The following UNC13C variants were observed in gnomAD, a reference collection of about 807,000 sequenced individuals.
UNC13C encodes unc-13 homolog C, also known as protein unc-13 homolog C.
UNC13C carries 174 observed loss-of-function variants against 245.4 expected under a neutral mutation model. The observed-to-expected ratio is 0.71, with a 90% CI of 0.63 to 0.80. The LOEUF (loss-of-function observed/expected upper bound fraction) is 0.80, where lower values mean the gene tolerates loss of function less well. Ranked by LOEUF, UNC13C falls within the 30% of genes least tolerant of loss-of-function variation. The pLI is 0.00. For missense variants in UNC13C, 2,829 were observed against 2,602.9 expected, an observed-to-expected ratio of 1.09 and a Z score of -1.89; for synonymous variants, 992 against 895.1, an observed-to-expected ratio of 1.11 and a Z score of -1.93.
Position 54,095,043 on chromosome 15 carries a change from C to G in UNC13C, c.2984-47975C>G, listed in dbSNP as rs1489366790. Among the ~76,000 whole-genome samples the G allele has an allele frequency of 3.3e-5, 5 of 152,194 alleles. No homozygotes were observed. In the East Asian group the frequency reaches 9.6e-4, roughly 29 times the overall value. ...AGACAACCCCACACAGATTCTCACA[C>G]AGGTATGGTCCACATTTCTTCCATG... On this transcript the variant is annotated intron_variant, in intron 2 of 32. Coordinates refer to ENST00000260323, the MANE Select transcript of UNC13C (RefSeq NM_001080534.3).
chr15:54,476,733 C>T (rs987702351), intron 19 of UNC13C, among the ~76,000 whole-genome samples: 3 of 149,352 alleles, frequency 2.0e-5, no homozygotes, highest in Non-Finnish European at 4.5e-5. Flanking sequence ...AGTTTGAAGT[C>T]AGGTAGCATG....
At chr15:54,494,487 C>A in intron 19 of UNC13C, 121 bp from the exon 20 acceptor site, 2 of 954,542 alleles carry the variant, frequency 2.1e-6, no homozygotes, top group Non-Finnish European at 2.9e-6. Context: ...ATTCATTATA[C>A]CTTTACATCT....
intron 10 of UNC13C, among the ~76,000 whole-genome samples, chr15:54,267,195 C>G (rs1318169900): frequency 3.4e-5 from 5 of 145,356 alleles, no homozygotes; most frequent in African/African-American, 1.4e-4. Context: ...TGAATAAATA[C>G]CTAGAAGTGG....
At chr15:54,120,909 C>T (rs2030620650) in intron 2 of UNC13C, among the ~76,000 whole-genome samples, 1 of 152,100 alleles carries the variant, frequency 6.6e-6, no homozygotes, top group Admixed American at 6.6e-5. Context: ...CATGATTAAA[C>T]TTCAGTGAGT....
At chr15:53,950,718 G>A in the UNC13C span, among the ~76,000 whole-genome samples, 6 of 152,072 alleles carry the variant, frequency 3.9e-5, no homozygotes, top group African/African-American at 1.4e-4. Context: ...CTGGATTCAG[G>A]GCTGAAGACA....
At chr15:53,878,762 G>A in the UNC13C span, among the ~76,000 whole-genome samples, 3 of 152,110 alleles carry the variant, frequency 2.0e-5, no homozygotes, top group Admixed American at 2.0e-4. Flanking sequence ...AATCACTAAA[G>A]GAAGAAACAA....
At chr15:53,913,420 T>C in the UNC13C span, 1 of 152,272 alleles carries the variant, frequency 6.6e-6, no homozygotes, top group South Asian at 2.1e-4. Context: ...TATTCCTTGA[T>C]ACAGAAGCAG....
chr15:54,599,649 A>T lies in UNC13C; in HGVS notation c.6107-22678A>T, dbSNP rs187287019. Reference sequence around the variant, plus strand: ...GTGAAATGTTCCAACTACCCGAAACACATGGTTGTCTAGACTGTTTTTAGG... The same window carrying T: ...GTGAAATGTTCCAACTACCCGAAACTCATGGTTGTCTAGACTGTTTTTAGG... On this transcript the variant is annotated intron_variant, in intron 30 of 32. Coordinates refer to ENST00000260323, the MANE Select transcript of UNC13C (RefSeq NM_001080534.3). 2.6e-3 allele frequency among the ~76,000 whole-genome samples: 403 copies of T among 152,226 alleles called. 3 individuals are homozygous for T. Among genetic ancestry groups the T allele is most frequent in the Non-Finnish European group, 4.9e-3 (335 of 67,996 alleles).
intron 2 of UNC13C, among the ~76,000 whole-genome samples, chr15:54,076,461 G>A (rs937796004): frequency 2.0e-5 from 3 of 151,992 alleles, no homozygotes; most frequent in Non-Finnish European, 4.4e-5. Flanking sequence ...TGGCTGCATA[G>A]TATTCCATGG....
At chr15:54,384,872 A>C (rs2039804150) in intron 17 of UNC13C, among the ~76,000 whole-genome samples, 1 of 152,174 alleles carries the variant, frequency 6.6e-6, no homozygotes, top group Non-Finnish European at 1.5e-5. Context: ...TATTTCCCAA[A>C]AGAAGATATA....
At chr15:54,597,373 C>A (rs1217461521) in intron 30 of UNC13C, among the ~76,000 whole-genome samples, 3 of 152,124 alleles carry the variant, frequency 2.0e-5, no homozygotes, top group Non-Finnish European at 4.4e-5. Flanking sequence ...AGCTTAACAC[C>A]TTTGGAATCC....
intron 1 of UNC13C, among the ~76,000 whole-genome samples, chr15:53,993,696 T>C (rs1477244524): frequency 2.0e-5 from 3 of 152,072 alleles, no homozygotes; most frequent in Non-Finnish European, 4.4e-5. Flanking sequence ...TTCTAATTGT[T>C]ATTGTTGTTG....
chr15:54,511,194 C>T (rs1004672649), intron 23 of UNC13C, among the ~76,000 whole-genome samples: 10 of 151,976 alleles, frequency 6.6e-5, no homozygotes, highest in Non-Finnish European at 1.0e-4. Flanking sequence ...GAAAAAAGAA[C>T]GCTCTAACCT....
chr15:54,620,156 T>G (rs1289929646), intron 30 of UNC13C, among the ~76,000 whole-genome samples: 1 of 152,154 alleles, frequency 6.6e-6, no homozygotes, highest in African/African-American at 2.4e-5. Flanking sequence ...AGTAAATGTT[T>G]CCACCCAGGA....
At position 54,286,660 on chromosome 15, in the gene UNC13C, A is replaced by G. The variant is rs1023137108; in HGVS notation, c.3819-7235A>G. Among the ~76,000 whole-genome samples, 3 of 152,174 alleles carry G rather than the reference A, an allele frequency of 2.0e-5. No individual in the cohort carries two copies. The East Asian group carries it at 5.8e-4, about 29-fold the overall frequency. ...ATTTAGACCATATCTAGGAGACTCT[A>G]TATCTGAAAATATTTGCAAAGGTGG... is the stretch of plus-strand genomic sequence containing the variant. On this transcript the variant is annotated intron_variant, in intron 10 of 32. Transcript: ENST00000260323.
At chr15:54,587,606 C>G (rs921602282) in intron 30 of UNC13C, among the ~76,000 whole-genome samples, 12 of 152,154 alleles carry the variant, frequency 7.9e-5, no homozygotes, top group African/African-American at 2.9e-4. Flanking sequence ...TATGGTCATT[C>G]TGTTGGTAGA....
chr15:54,054,249 G>A (rs1377434059), intron 2 of UNC13C, among the ~76,000 whole-genome samples: 2 of 152,100 alleles, frequency 1.3e-5, no homozygotes, highest in Non-Finnish European at 2.9e-5. Context: ...TCATTTGACT[G>A]TTCTTTCTCT....
chr15:54,053,065 T>G (rs2141058045), intron 2 of UNC13C, among the ~76,000 whole-genome samples: 1 of 152,272 alleles, frequency 6.6e-6, no homozygotes, highest in African/African-American at 2.4e-5. Context: ...AGTGGTGTGA[T>G]CTCGACCCAC....
At chr15:54,457,842 A>G (rs1294782037) in intron 19 of UNC13C, among the ~76,000 whole-genome samples, 10 of 135,276 alleles carry the variant, frequency 7.4e-5, no homozygotes, top group Admixed American at 7.2e-4. Flanking sequence ...TGTTTCATTT[A>G]TCTTTTCTAT....
Sources: allele counts gnomAD v4.1 joint callset (sites outside exome capture counted in the v4.1 genomes callset), GRCh38; gene constraint gnomAD v4.1.1; transcripts MANE v1.5; gene names NCBI Gene and HGNC (gene_info 2026-07-23, HGNC 2026-07-21).